The following HNRNPD variants were observed in gnomAD, a reference collection of about 807,000 sequenced individuals.
HNRNPD encodes heterogeneous nuclear ribonucleoprotein D.
A neutral mutation model predicts 47.9 loss-of-function variants in HNRNPD; 3 were observed. That is an observed-to-expected ratio of 0.06 (90% CI 0.03 to 0.16). The LOEUF is 0.16. Among genes scored for constraint, HNRNPD ranks in the 10% least tolerant of loss-of-function variants. The pLI is 1.00. For synonymous variants in HNRNPD, 171 were observed against 165.1 expected, an observed-to-expected ratio of 1.04 and a Z score of -0.28; for missense variants, 287 against 454.2, an observed-to-expected ratio of 0.63 and a Z score of 3.35.
intron 2 of HNRNPD, among the ~76,000 whole-genome samples, chr4:82,369,824 ATTATTT>A (rs1350838978): frequency 6.6e-6 from 1 of 152,216 alleles, no homozygotes; most frequent in Admixed American, 6.5e-5. Flanking sequence ...AAATGAGAAC[ATTATTT>A]TTAAGTGTAA....
At chr4:82,359,174 A>G (rs1408569464) in intron 3 of HNRNPD, among the ~76,000 whole-genome samples, 1 of 152,204 alleles carries the variant, frequency 6.6e-6, no homozygotes, top group Non-Finnish European at 1.5e-5. Context: ...CTTGCCTAAC[A>G]AAATTTCAAA....
chr4:82,370,601 T>A (rs1348047092), intron 2 of HNRNPD, among the ~76,000 whole-genome samples: 1 of 152,178 alleles, frequency 6.6e-6, no homozygotes, highest in Admixed American at 6.5e-5. Flanking sequence ...AAAGCTGGAC[T>A]GATTTCAGTG....
chr4:82,371,393 C>A, intron 2 of HNRNPD, 135 bp downstream of exon 2: 1 of 597,372 alleles, frequency 1.7e-6, no homozygotes, highest in Non-Finnish European at 2.8e-6. Flanking sequence ...GGTATATATC[C>A]CAGGTACAAA....
At chr4:82,358,908 C>T (rs1578048076) in intron 3 of HNRNPD, 88 bp from the exon 4 acceptor site, 1 of 958,420 alleles carries the variant, frequency 1.0e-6, no homozygotes, top group Non-Finnish European at 1.5e-6. Flanking sequence ...ACTATAAATA[C>T]AGATAATGCC....
At chr4:82,361,704 A>G (rs956375895) in intron 2 of HNRNPD, among the ~76,000 whole-genome samples, 13 of 152,238 alleles carry the variant, frequency 8.5e-5, no homozygotes, top group African/African-American at 1.7e-4. Context: ...GAAATAAATT[A>G]AAACACCAAG....
intron 1 of HNRNPD, among the ~76,000 whole-genome samples, chr4:82,372,214 G>A (rs1001137528): frequency 6.6e-6 from 1 of 151,972 alleles, no homozygotes; most frequent in Non-Finnish European, 1.5e-5. Flanking sequence ...CACGATCATC[G>A]GTCAGTAATC....
chr4:82,373,512 G>A lies in HNRNPD; in HGVS notation c.167C>T (p.Thr56Ile), dbSNP rs140413687. ...GTGGGTASGGTEGGSAESEGA... is the reference protein window; with the variant it reads ...GTGGGTASGGIEGGSAESEGA... ...CTCCGACTCGGCGCTGCCCCCTTCG[G>A]TGCCTCCAGACGCGGTTCCGCCCCC... The change falls in exon 1 of 9, where the codon ACC becomes ATC. Residue 56 changes from threonine to isoleucine, a missense_variant. This residue lies in a region of HNRNPD where 161 missense variants were observed against 137.1 expected (regional missense o/e 1.17). Coordinates refer to ENST00000313899, the MANE Select transcript of HNRNPD (RefSeq NM_031370.3). 3.9e-6 allele frequency: 6 copies of A among 1,545,226 alleles called. No homozygotes were observed. Among genetic ancestry groups the A allele is most frequent in the Middle Eastern group, 1.7e-4 (1 of 5,964 alleles).
chr4:82,358,858 C>T (rs1229885278), intron 3 of HNRNPD, 38 bp from the exon 4 acceptor site: 1 of 1,444,176 alleles, frequency 6.9e-7, no homozygotes, highest in East Asian at 2.3e-5. Flanking sequence ...AAATATATAT[C>T]TTAACTGAAG....
At chr4:82,371,483 C>G in intron 2 of HNRNPD, 45 bp downstream of exon 2, 1 of 1,464,950 alleles carries the variant, frequency 6.8e-7, no homozygotes, top group Non-Finnish European at 9.4e-7. Context: ...CATATTATGA[C>G]TACTGAAACC....
intron 3 of HNRNPD, among the ~76,000 whole-genome samples, 165 bp downstream of exon 3, chr4:82,359,306 A>T (rs188862984): frequency 1.3e-5 from 2 of 152,312 alleles, no homozygotes; most frequent in African/African-American, 4.8e-5. Context: ...TCAGGAAATA[A>T]TTCCTGAACC....
rs940044236 is a variant in HNRNPD, at chr4:82,371,409, T to A, written c.290+119A>T. 5.6e-6 allele frequency: 4 copies of A among 720,102 alleles called. No homozygotes were observed. In the East Asian group the frequency reaches 1.1e-4, roughly 20 times the overall value. 44.6% of individuals were successfully genotyped at this position (720,102 alleles called of 1,614,324 possible). A position where few individuals can be genotyped will look rare whatever the true frequency, so the allele number is the denominator to read the frequency against. On this transcript the variant is annotated intron_variant, in intron 2 of 8. Coordinates refer to ENST00000313899, the MANE Select transcript of HNRNPD (RefSeq NM_031370.3). ...GTATATATCCCAGGTACAAACCTAC[T>A]GTATGTACTATGGTCTAGAATTTCC... is the stretch of plus-strand genomic sequence containing the variant.
At chr4:82,371,717 G>A in intron 1 of HNRNPD, 133 bp from the exon 2 acceptor site, 1 of 609,636 alleles carries the variant, frequency 1.6e-6, no homozygotes, top group Non-Finnish European at 2.9e-6. Context: ...TTTGCGATTT[G>A]AATTATCAGG....
At chr4:82,358,998 T>C (rs1723847425) in intron 3 of HNRNPD, among the ~76,000 whole-genome samples, 178 bp from the exon 4 acceptor site, 1 of 152,196 alleles carries the variant, frequency 6.6e-6, no homozygotes, top group Non-Finnish European at 1.5e-5. Context: ...ACTGTTTAAA[T>C]CTAAAGGTAA....
At chr4:82,355,114 T>C in intron 8 of HNRNPD, 190 bp downstream of exon 8, 2 of 578,204 alleles carry the variant, frequency 3.5e-6, no homozygotes, top group Non-Finnish European at 6.1e-6. Context: ...TACTGACTTG[T>C]TAATAATAGG....
rs1012219165 is a variant in HNRNPD, at chr4:82,357,355, C to T, written c.711G>A (p.Lys237=). 1.2e-6 allele frequency: 2 copies of T among 1,613,344 alleles called. No individual in the cohort carries two copies. The highest frequency in any genetic ancestry group is 2.7e-5 in the African/African-American group (2 of 74,900). ...FITFKEEEPV[K]KIMEKKYHNV... The stretch of plus-strand genomic sequence containing the variant: ...TGTGGTATTTCTTTTCCATTATCTT[C>T]TTCACTGGTTCTTCTTCCTTAAAGG... The change falls in exon 5 of 9, where the codon AAG becomes AAA. Residue 237 remains lysine (K), a synonymous_variant. Coordinates refer to ENST00000313899, the MANE Select transcript of HNRNPD (RefSeq NM_031370.3).
At chr4:82,354,568 T>C (rs1167086060) in intron 8 of HNRNPD, 3 of 152,678 alleles carry the variant, frequency 2.0e-5, no homozygotes, top group Non-Finnish European at 2.9e-5. Flanking sequence ...ACTGTAATTA[T>C]AGGAAGTTGT....
chr4:82,368,869 G>C (rs1042267583), intron 2 of HNRNPD, among the ~76,000 whole-genome samples: 1 of 152,150 alleles, frequency 6.6e-6, no homozygotes, highest in South Asian at 2.1e-4. Context: ...TAATCAGACA[G>C]GCAACAACCT....
At chr4:82,370,000 G>A (rs1453634269) in intron 2 of HNRNPD, among the ~76,000 whole-genome samples, 1 of 152,094 alleles carries the variant, frequency 6.6e-6, no homozygotes, top group African/African-American at 2.4e-5. Flanking sequence ...AAATTAGCCA[G>A]GCATGGTGGA....
At chr4:82,367,008 AC>A (rs1045669197) in intron 2 of HNRNPD, among the ~76,000 whole-genome samples, 1 of 107,864 alleles carries the variant, frequency 9.3e-6, no homozygotes, top group East Asian at 2.8e-4. Context: ...CTACAAACAC[AC>A]CCCCCAACAC....
Sources: gnomAD v4.1 joint callset for allele counts (sites outside exome capture counted in the v4.1 genomes callset) on GRCh38, gnomAD v4.1.1 for gene constraint, gnomAD v4.1.1 regional missense constraint, MANE v1.5 for transcripts, NCBI Gene and HGNC (gene_info 2026-07-23, HGNC 2026-07-21) for gene names.